Variants in GNAO1 observed in about 807,000 individuals in gnomAD.
The protein encoded by GNAO1 is guanine nucleotide-binding protein G(o) subunit alpha.
For missense variants in GNAO1, 166 were observed against 478.7 expected (o/e 0.35, Z 6.10); for synonymous variants, 164 against 180.7 (o/e 0.91, Z 0.74).
chr16:56,344,038 CTT>C, intron 6 of GNAO1: 1 of 1,556,232 alleles, frequency 6.4e-7, no homozygotes, highest in South Asian at 1.2e-5. Context: ...TCAGACCACT[CTT>C]TGCACTTGAG....
At chr16:56,284,462 C>T (rs1360601270) in intron 3 of GNAO1, among the ~76,000 whole-genome samples, 2 of 152,216 alleles carry the variant, frequency 1.3e-5, no homozygotes, top group African/African-American at 2.4e-5. Flanking sequence ...TTTCCTTGAC[C>T]ATCATCTAAA....
At chr16:56,284,785 C>T (rs2037149340) in intron 3 of GNAO1, among the ~76,000 whole-genome samples, 1 of 152,198 alleles carries the variant, frequency 6.6e-6, no homozygotes, top group African/African-American at 2.4e-5. Flanking sequence ...TGGGTGTGTG[C>T]TTCTGGGTCA....
chr16:56,219,519 TAA>T lies in GNAO1; in HGVS notation c.161+26906_161+26907del, dbSNP rs1268991778. Among the ~76,000 whole-genome samples the T allele has an allele frequency of 8.5e-5, 13 of 152,226 alleles. No individual in the cohort carries two copies. In the East Asian group the frequency reaches 1.2e-3, roughly 14 times the overall value. ...TGTCCTCCAGAAAAACCAGGGTTTT[TAA>T]AAGAGTTTTTTTTCTTTGGTATCGG... On this transcript the variant is annotated intron_variant, in intron 2 of 8. Coordinates refer to ENST00000262493, the MANE Select transcript of GNAO1 (RefSeq NM_020988.3).
intron 3 of GNAO1, among the ~76,000 whole-genome samples, chr16:56,283,026 G>A (rs139549629): frequency 5.3e-5 from 8 of 152,320 alleles, no homozygotes; most frequent in Non-Finnish European, 7.3e-5. Flanking sequence ...TTTCCATCTG[G>A]TGGGGGTCCA....
At chr16:56,224,059 G>C (rs979769501) in intron 2 of GNAO1, among the ~76,000 whole-genome samples, 5 of 152,198 alleles carry the variant, frequency 3.3e-5, no homozygotes, top group African/African-American at 9.7e-5. Context: ...GGGAAGCGGG[G>C]CCTGCCTCAG....
chr16:56,275,434 A>G (rs968304595), intron 2 of GNAO1, among the ~76,000 whole-genome samples: 4 of 152,212 alleles, frequency 2.6e-5, no homozygotes, highest in Admixed American at 6.5e-5. Flanking sequence ...TTCTGTTGTC[A>G]AAGATAAAGA....
At chr16:56,226,204 G>A (rs1370439838) in intron 2 of GNAO1, among the ~76,000 whole-genome samples, 1 of 152,116 alleles carries the variant, frequency 6.6e-6, no homozygotes, top group African/African-American at 2.4e-5. Context: ...GAAAGATGGT[G>A]GTAACTGGGA....
At chr16:56,254,091 A>G (rs1381854771) in intron 2 of GNAO1, among the ~76,000 whole-genome samples, 2 of 152,200 alleles carry the variant, frequency 1.3e-5, no homozygotes, top group Admixed American at 1.3e-4. Context: ...AAAAAAATAA[A>G]CATATCTTGT....
At chr16:56,285,087 G>A (rs1245178852) in intron 3 of GNAO1, among the ~76,000 whole-genome samples, 2 of 152,166 alleles carry the variant, frequency 1.3e-5, no homozygotes, top group East Asian at 3.9e-4. Flanking sequence ...GATGCTCAAG[G>A]CTGGGCTGCC....
At chr16:56,297,522 G>GGTGTGTGTGTGTGTGTGT (rs10545712) in intron 3 of GNAO1, among the ~76,000 whole-genome samples, 2 of 134,324 alleles carry the variant, frequency 1.5e-5, no homozygotes, top group East Asian at 2.2e-4. Flanking sequence ...TTGTCTAACT[G>GGTGTGTGTGTGTGTGTGT]GTGTGTGTGT....
intron 3 of GNAO1, among the ~76,000 whole-genome samples, chr16:56,318,578 T>TTG (rs145372923): frequency 1.9e-4 from 29 of 151,982 alleles, no homozygotes; most frequent in African/African-American, 6.0e-4. Flanking sequence ...AGGACTGGGT[T>TTG]TGTGTGTGTG....
chr16:56,195,328 C>T (rs185556413), intron 2 of GNAO1, among the ~76,000 whole-genome samples: 2 of 152,314 alleles, frequency 1.3e-5, no homozygotes, highest in Admixed American at 6.5e-5. Context: ...TCCAGCTTGG[C>T]TTGAAATACA....
intron 2 of GNAO1, among the ~76,000 whole-genome samples, chr16:56,205,375 G>A (rs960052715): frequency 3.3e-5 from 5 of 152,228 alleles, no homozygotes; most frequent in African/African-American, 9.6e-5. Flanking sequence ...ACAAGAGCTG[G>A]AGGGACCCAT....
At chr16:56,314,623 A>G (rs1339401554) in intron 3 of GNAO1, among the ~76,000 whole-genome samples, 1 of 152,164 alleles carries the variant, frequency 6.6e-6, no homozygotes, top group Non-Finnish European at 1.5e-5. Flanking sequence ...AGGGAGTGCA[A>G]TGGCAGCTCT....
chr16:56,193,875 C>T, intron 2 of GNAO1: 1 of 354,726 alleles, frequency 2.8e-6, no homozygotes, highest in South Asian at 2.1e-5. Context: ...CACACAGCTC[C>T]TAATTAGGGG....
intron 3 of GNAO1, among the ~76,000 whole-genome samples, chr16:56,316,805 A>G (rs1348378397): frequency 6.6e-6 from 1 of 152,152 alleles, no homozygotes; most frequent in East Asian, 1.9e-4. Context: ...TGGGCTTCAC[A>G]CAGAGACGTC....
chr16:56,200,544 C>G (rs1480596823), intron 2 of GNAO1, among the ~76,000 whole-genome samples: 1 of 152,178 alleles, frequency 6.6e-6, no homozygotes, highest in East Asian at 1.9e-4. Flanking sequence ...GTGGCTTGCT[C>G]AAGGCCACAC....
intron 2 of GNAO1, among the ~76,000 whole-genome samples, chr16:56,268,048 G>A (rs1449708873): frequency 6.6e-6 from 1 of 152,190 alleles, no homozygotes; most frequent in Admixed American, 6.5e-5. Context: ...AGGGAGGTAA[G>A]ACGCCTGTAG....
intron 2 of GNAO1, among the ~76,000 whole-genome samples, chr16:56,204,617 G>A (rs1008729129): frequency 3.3e-5 from 5 of 152,204 alleles, no homozygotes; most frequent in African/African-American, 4.8e-5. Context: ...TCTGGGTGGC[G>A]AGCAGGGTTC....
Sources: gnomAD v4.1 joint callset for allele counts (sites outside exome capture counted in the v4.1 genomes callset) on GRCh38, gnomAD v4.1.1 for gene constraint, MANE v1.5 for transcripts, NCBI Gene and HGNC (gene_info 2026-07-23, HGNC 2026-07-21) for gene names.